SORBS2: variants seen among roughly 807,000 people sequenced by gnomAD.
The protein encoded by SORBS2 is sorbin and SH3 domain containing 2.
In SORBS2, 46 loss-of-function variants were observed where a neutral mutation model predicts 97.7. That is an observed-to-expected ratio of 0.47 (90% CI 0.37 to 0.60). The LOEUF (loss-of-function observed/expected upper bound fraction) is 0.60, where lower values mean the gene tolerates loss of function less well. Among genes scored for constraint, SORBS2 ranks in the 20% least tolerant of loss-of-function variants. The pLI is 0.00. For synonymous variants in SORBS2, 476 were observed against 473.4 expected (o/e 1.01, Z -0.07); for missense variants, 1,316 against 1,282.3 (o/e 1.03, Z -0.40).
rs570654460 is a variant in SORBS2, at chr4:185,760,629, G to T, written c.-198+14598C>A. On this transcript the variant is annotated intron_variant, in intron 2 of 20. Transcript: ENST00000284776. ...ATGTCTGCATAATGCGTCTACACAG[G>T]CTTTGGGATGCAGCAGCATTGGATA... is the stretch of plus-strand genomic sequence containing the variant. Among the ~76,000 whole-genome samples, 26 of 152,268 alleles carry T rather than the reference G, an allele frequency of 1.7e-4. No individual in the cohort carries two copies. The East Asian group carries it at 5.0e-3, about 29-fold the overall frequency.
chr4:185,831,813 C>G (rs986747200), intron 1 of SORBS2, among the ~76,000 whole-genome samples: 1 of 152,176 alleles, frequency 6.6e-6, no homozygotes, highest in African/African-American at 2.4e-5. Context: ...AATACATTTC[C>G]TATTTTTCCA....
At chr4:185,618,608 A>G (rs1218147968) in exon 9 of SORBS2, 12 of 1,541,876 alleles carry the variant, frequency 7.8e-6, no homozygotes, top group Middle Eastern at 1.7e-4. Flanking sequence ...CCTTAAAATC[A>G]TAAACAGCTT....
chr4:185,698,452 C>T (rs1440852332), intron 2 of SORBS2, among the ~76,000 whole-genome samples: 11 of 152,078 alleles, frequency 7.2e-5, no homozygotes, highest in Admixed American at 3.3e-4. Context: ...GAGATCGCAC[C>T]ATTGCACTCC....
At chr4:185,844,309 A>T (rs547102065) in intron 1 of SORBS2, among the ~76,000 whole-genome samples, 2 of 152,222 alleles carry the variant, frequency 1.3e-5, no homozygotes, top group African/African-American at 2.4e-5. Flanking sequence ...TCAAAGAGAC[A>T]TTTCTCTAAA....
At chr4:185,651,795 G>A (rs548974751) in intron 2 of SORBS2, 3 of 1,501,386 alleles carry the variant, frequency 2.0e-6, no homozygotes, top group African/African-American at 1.4e-5. Flanking sequence ...TGCATTGTAT[G>A]TATAAGGAGT....
At chr4:185,896,319 G>C (rs1427531825) in intron 1 of SORBS2, among the ~76,000 whole-genome samples, 1 of 152,212 alleles carries the variant, frequency 6.6e-6, no homozygotes, top group Non-Finnish European at 1.5e-5. Flanking sequence ...CGAGATGGCT[G>C]ACGCCTGTAA....
chr4:185,834,944 T>C (rs1372271444), intron 1 of SORBS2, among the ~76,000 whole-genome samples: 2 of 152,162 alleles, frequency 1.3e-5, no homozygotes, highest in African/African-American at 4.8e-5. Context: ...TAATCCCCCG[T>C]GTTAGAGGTG....
intron 2 of SORBS2, among the ~76,000 whole-genome samples, chr4:185,721,091 T>TTTTTTTG (rs2098510062): frequency 7.1e-6 from 1 of 141,400 alleles, no homozygotes; most frequent in Non-Finnish European, 1.5e-5. Flanking sequence ...ATTCTTTTTT[T>TTTTTTTG]TTTTTTTTTT....
intron 1 of SORBS2, among the ~76,000 whole-genome samples, chr4:185,870,793 G>A (rs1211511701): frequency 6.6e-6 from 1 of 152,220 alleles, no homozygotes; most frequent in African/African-American, 2.4e-5. Flanking sequence ...CAGACCCAGT[G>A]TCAATCAAGG....
rs745472775 is a variant in SORBS2, at chr4:185,887,958, A to ATGTG, written c.-338+68237_-338+68238insCACA. On this transcript the variant is annotated intron_variant, in intron 1 of 20. Coordinates refer to the SORBS2 transcript ENST00000284776. ...TCATGGATTCTCACATAGTATATAT[A>ATGTG]TATGTGTGTGTGTGTGTGTGTGTGT... is the stretch of plus-strand genomic sequence containing the variant. Among the ~76,000 whole-genome samples the ATGTG allele has an allele frequency of 3.3e-3, 489 of 149,136 alleles. 1 individual carries two copies. The highest frequency in any genetic ancestry group is 0.021 in the Middle Eastern group (6 of 290).
chr4:185,723,791 G>GA (rs1164038246), intron 2 of SORBS2, among the ~76,000 whole-genome samples: 7 of 152,158 alleles, frequency 4.6e-5, no homozygotes, highest in African/African-American at 1.7e-4. Context: ...GCAGCACGCT[G>GA]ACCTTTCTTC....
At chr4:185,626,757 G>A (rs1581262885) in intron 6 of SORBS2, 75 bp downstream of exon 18, 22 of 1,402,256 alleles carry the variant, frequency 1.6e-5, no homozygotes, top group East Asian at 2.3e-5. Flanking sequence ...CACTATCACT[G>A]GGCCAGCTTT....
At chr4:185,626,429 C>G (rs991242469) in intron 6 of SORBS2, among the ~76,000 whole-genome samples, 17 of 152,182 alleles carry the variant, frequency 1.1e-4, no homozygotes, top group Admixed American at 6.5e-5. Flanking sequence ...TTTTAGCCAA[C>G]AATTTGCTCT....
intron 2 of SORBS2, among the ~76,000 whole-genome samples, chr4:185,683,427 A>G (rs746209323): frequency 1.1e-4 from 16 of 152,136 alleles, no homozygotes; most frequent in Non-Finnish European, 2.2e-4. Flanking sequence ...AATGTCAATG[A>G]CATTCAGGGT....
intron 2 of SORBS2, among the ~76,000 whole-genome samples, chr4:185,711,412 G>T (rs1398642350): frequency 6.6e-6 from 1 of 152,128 alleles, no homozygotes; most frequent in African/African-American, 2.4e-5. Context: ...ATTTTCCCAA[G>T]TTCAACTAGG....
chr4:185,765,352 C>T (rs2098928176), intron 2 of SORBS2, among the ~76,000 whole-genome samples: 1 of 151,432 alleles, frequency 6.6e-6, no homozygotes, highest in South Asian at 2.1e-4. Context: ...ACCAAATAGT[C>T]TTCTGCCAAA....
At chr4:185,656,227 C>A (rs534418151) in intron 1 of SORBS2, among the ~76,000 whole-genome samples, 4 of 152,144 alleles carry the variant, frequency 2.6e-5, no homozygotes, top group African/African-American at 9.7e-5. Flanking sequence ...TCAACGTTTC[C>A]TCAATCTAAA....
chr4:185,855,519 C>T lies in SORBS2; in HGVS notation c.-337-80153G>A, dbSNP rs576879282. ...GTCATTTCATTAGGAGGCTCCTTGG[C>T]TGCTAATCAAGGGCTTTTCATTTCC... On this transcript the variant is annotated intron_variant, in intron 1 of 20. Coordinates refer to the SORBS2 transcript ENST00000284776. 1.1e-4 allele frequency among the ~76,000 whole-genome samples: 16 copies of T among 152,144 alleles called. No individual in the cohort carries two copies. In the South Asian group the frequency reaches 2.9e-3, roughly 28 times the overall value.
At chr4:185,595,320 A>C in intron 12 of SORBS2, among the ~76,000 whole-genome samples, 1 of 152,364 alleles carries the variant, frequency 6.6e-6, no homozygotes, top group Middle Eastern at 3.4e-3. Context: ...AGAGTGAAAT[A>C]GTTTACTCCT....
Sources: gnomAD v4.1 joint callset for allele counts (sites outside exome capture counted in the v4.1 genomes callset) on GRCh38, gnomAD v4.1.1 for gene constraint, MANE v1.5 for transcripts, NCBI Gene and HGNC (gene_info 2026-07-23, HGNC 2026-07-21) for gene names.